Variants in KANSL1 observed in about 807,000 individuals in gnomAD.
The protein encoded by KANSL1 is KAT8 regulatory NSL complex subunit 1.
A neutral mutation model predicts 103.6 loss-of-function variants in KANSL1; 22 were observed. The ratio of observed to expected loss-of-function variants is 0.21; its 90% confidence interval spans 0.15 to 0.30. The LOEUF (loss-of-function observed/expected upper bound fraction) is 0.30, where lower values mean the gene tolerates loss of function less well. KANSL1 is among the 10% of genes least tolerant of loss of function. KANSL1 has a pLI of 1.00. For synonymous variants in KANSL1, 600 were observed against 527.6 expected (o/e 1.14, Z -1.88); for missense variants, 1,337 against 1,399.8 (o/e 0.96, Z 0.72).
intron 2 of KANSL1, among the ~76,000 whole-genome samples, chr17:46,098,204 C>A (rs534687533): frequency 6.7e-5 from 10 of 150,222 alleles, no homozygotes; most frequent in Non-Finnish European, 7.4e-5. Context: ...AGTTAACCCT[C>A]GTATTTTATT....
intron 2 of KANSL1, among the ~76,000 whole-genome samples, chr17:46,112,058 G>A (rs2042833088): frequency 6.6e-6 from 1 of 152,038 alleles, no homozygotes; most frequent in South Asian, 2.1e-4. Flanking sequence ...ACCTCTATAG[G>A]GAGTGTTATA....
At chr17:46,055,420 G>A (rs1326874019) in intron 6 of KANSL1, among the ~76,000 whole-genome samples, 3 of 149,520 alleles carry the variant, frequency 2.0e-5, no homozygotes, top group Non-Finnish European at 3.0e-5. Flanking sequence ...AGCTGAGATC[G>A]CACCACTGCA....
chr17:46,152,894 G>C (rs1191400572), intron 2 of KANSL1: 2 of 152,132 alleles, frequency 1.3e-5, no homozygotes, highest in Non-Finnish European at 2.9e-5. Context: ...AATTATTCCT[G>C]GATACTTAGA....
intron 7 of KANSL1, chr17:46,044,449 C>G (rs1399481061): frequency 6.6e-6 from 1 of 152,234 alleles, no homozygotes; most frequent in Non-Finnish European, 1.5e-5. Flanking sequence ...TCACTTCTTC[C>G]TCCTGCTGGG....
chr17:46,205,730 C>T (rs1336915416), intron 1 of KANSL1, among the ~76,000 whole-genome samples: 1 of 147,784 alleles, frequency 6.8e-6, no homozygotes, highest in Non-Finnish European at 1.5e-5. Context: ...AAAGCAGTGA[C>T]AATCTTATAC....
intron 2 of KANSL1, among the ~76,000 whole-genome samples, chr17:46,110,968 G>C (rs1477908255): frequency 6.6e-6 from 1 of 152,184 alleles, no homozygotes; most frequent in Non-Finnish European, 1.5e-5. Flanking sequence ...CATAACTAAA[G>C]AGAACATAAA....
intron 1 of KANSL1, among the ~76,000 whole-genome samples, chr17:46,185,156 A>G (rs1221396633): frequency 6.6e-6 from 1 of 152,196 alleles, no homozygotes; most frequent in Non-Finnish European, 1.5e-5. Context: ...AAGGAGGGTT[A>G]TAGCTTGTTT....
intron 6 of KANSL1, among the ~76,000 whole-genome samples, chr17:46,064,404 T>C (rs912150787): frequency 6.6e-6 from 1 of 152,214 alleles, no homozygotes; most frequent in Non-Finnish European, 1.5e-5. Flanking sequence ...TCTGCTCTCT[T>C]TTACAGCAAC....
intron 4 of KANSL1, among the ~76,000 whole-genome samples, chr17:46,076,332 C>T (rs1217119501): frequency 6.6e-6 from 1 of 151,640 alleles, no homozygotes; most frequent in Non-Finnish European, 1.5e-5. Context: ...CCCGTCTCCA[C>T]TAAAAATACA....
At chr17:46,058,095 G>A (rs950113117) in intron 6 of KANSL1, among the ~76,000 whole-genome samples, 10 of 152,208 alleles carry the variant, frequency 6.6e-5, no homozygotes, top group Admixed American at 6.5e-4. Context: ...TCAGAATTCA[G>A]AGACTAAGGA....
chr17:46,083,584 C>T (rs2079057471), intron 3 of KANSL1, among the ~76,000 whole-genome samples: 1 of 152,034 alleles, frequency 6.6e-6, no homozygotes, highest in Non-Finnish European at 1.5e-5. Context: ...TCCTCCCCCA[C>T]CCCGCCAACC....
intron 2 of KANSL1, among the ~76,000 whole-genome samples, chr17:46,155,332 A>AT (rs1292792294): frequency 1.1e-4 from 17 of 151,848 alleles, no homozygotes; most frequent in Non-Finnish European, 4.4e-5. Flanking sequence ...TAATTTTTCT[A>AT]TTTTTAGTAG....
At chr17:46,194,059 T>TGAG (rs2047515301), upstream of KANSL1, among the ~76,000 whole-genome samples, 1 of 148,084 alleles carries the variant, frequency 6.8e-6, no homozygotes. Flanking sequence ...TTGGGCGGGG[T>TGAG]GGGGAGGGTG....
intron 1 of KANSL1, among the ~76,000 whole-genome samples, chr17:46,190,149 A>G (rs1007129233): frequency 9.8e-5 from 15 of 152,372 alleles, no homozygotes; most frequent in Middle Eastern, 3.4e-3. Context: ...ACGCAGAGAC[A>G]CTGGTTACAA....
At chr17:46,196,356 A>G (rs1414787287), upstream of KANSL1, 8 of 456,236 alleles carry the variant, frequency 1.8e-5, no homozygotes, top group South Asian at 6.2e-5. Context: ...CTCTTTGCCA[A>G]TGATTGGTTA....
chr17:46,070,448 G>C (rs2078533984), intron 4 of KANSL1, among the ~76,000 whole-genome samples: 1 of 151,988 alleles, frequency 6.6e-6, no homozygotes, highest in African/African-American at 2.4e-5. Flanking sequence ...ATATTAAAAA[G>C]AAACCCCCAT....
At chr17:46,045,895 T>C (rs956053942) in intron 7 of KANSL1, 2 of 152,252 alleles carry the variant, frequency 1.3e-5, no homozygotes, top group African/African-American at 4.8e-5. Context: ...CTGTTCTGTT[T>C]AGCAGGTGAT....
At chr17:46,204,588 AC>A (rs2047904564) in intron 1 of KANSL1, among the ~76,000 whole-genome samples, 1 of 152,280 alleles carries the variant, frequency 6.6e-6, no homozygotes, top group African/African-American at 2.4e-5. Context: ...AGCCAAGAAC[AC>A]ATCTCAACTC....
rs760256746 is a variant in KANSL1, at chr17:46,031,564, T to A, written c.3230A>T (p.Glu1077Val). 7 of 1,614,006 alleles carry A rather than the reference T, an allele frequency of 4.3e-6. No homozygotes were observed. The highest frequency in any genetic ancestry group is 5.9e-6 in the Non-Finnish European group (7 of 1,180,040). ...AATGGGAGGCGAGGTGGGCGCTGCC[T>A]CTGTCTCCCGGCCAGTCTTGCTGCC... ...TSGSKTGRET[E>V]AAPTSPPIVP... Residue 1077 changes from glutamate to valine, a missense_variant, in exon 15 of 15, where the codon GAG (glutamate) becomes GTG (valine). Glu to Val is a moderately radical substitution (Grantham distance 121). Coordinates refer to ENST00000432791, the MANE Select transcript of KANSL1 (RefSeq NM_015443.4).
Sources: allele counts gnomAD v4.1 joint callset (sites outside exome capture counted in the v4.1 genomes callset), GRCh38; gene constraint gnomAD v4.1.1; transcripts MANE v1.5; gene names NCBI Gene and HGNC (gene_info 2026-07-23, HGNC 2026-07-21).